The following ZSWIM5 variants were observed in gnomAD, a reference collection of about 807,000 sequenced individuals.
ZSWIM5 encodes the protein zinc finger SWIM domain-containing protein 5.
In ZSWIM5, 55 loss-of-function variants were observed where a neutral mutation model predicts 119.6. The ratio of observed to expected loss-of-function variants is 0.46; its 90% CI spans 0.37 to 0.58. The LOEUF (loss-of-function observed/expected upper bound fraction) is 0.58, where lower values mean the gene tolerates loss of function less well. Among genes scored for constraint, ZSWIM5 ranks in the 20% least tolerant of loss-of-function variants. ZSWIM5 has a pLI of 0.00. For synonymous variants in ZSWIM5, 537 were observed against 606.9 expected (o/e 0.88, Z 1.69); for missense variants, 1,193 against 1,512.8 (o/e 0.79, Z 3.51).
At chr1:45,191,746 C>T (rs554873767) in intron 1 of ZSWIM5, among the ~76,000 whole-genome samples, 3 of 152,288 alleles carry the variant, frequency 2.0e-5, no homozygotes, top group East Asian at 3.9e-4. Flanking sequence ...TCTCCAAACA[C>T]GGCACTTAGG....
intron 1 of ZSWIM5, among the ~76,000 whole-genome samples, chr1:45,167,299 T>A (rs1297916712): frequency 2.6e-5 from 4 of 151,674 alleles, no homozygotes. Context: ...GATCCCTTCC[T>A]TACACCTTAT....
chr1:45,166,132 C>T lies in ZSWIM5; in HGVS notation c.595+39624G>A, dbSNP rs558378101. On this transcript the variant is annotated intron_variant, in intron 1 of 13. Transcript: ENST00000359600. ...AGCTTATCCGCCATGATCAAGTGGGCTTCATCCCTGGGATGCAAAGCTGGT... is the reference window on the plus strand; with the variant it reads ...AGCTTATCCGCCATGATCAAGTGGGTTTCATCCCTGGGATGCAAAGCTGGT... 3.3e-5 allele frequency among the ~76,000 whole-genome samples: 5 copies of T among 152,250 alleles called. No homozygotes were observed. In the East Asian group the frequency reaches 9.6e-4, roughly 29 times the overall value.
intron 1 of ZSWIM5, among the ~76,000 whole-genome samples, chr1:45,150,861 C>T (rs1220282115): frequency 1.3e-5 from 2 of 152,182 alleles, no homozygotes; most frequent in Non-Finnish European, 2.9e-5. Flanking sequence ...AAGACCCAGA[C>T]CTTTATGTGA....
chr1:45,126,096 T>A (rs1185041466), intron 1 of ZSWIM5, among the ~76,000 whole-genome samples: 1 of 150,066 alleles, frequency 6.7e-6, no homozygotes. Context: ...TTAAAAAAAA[T>A]TTTAAAGGAA....
chr1:45,146,390 GAA>G (rs750819671), intron 1 of ZSWIM5, among the ~76,000 whole-genome samples: 2 of 42,544 alleles, frequency 4.7e-5, no homozygotes, highest in Non-Finnish European at 4.9e-5. Context: ...TAACTGATTT[GAA>G]AAAAAAAAAA....
chr1:45,200,890 AC>A (rs1400541560), intron 1 of ZSWIM5, among the ~76,000 whole-genome samples: 2 of 152,012 alleles, frequency 1.3e-5, no homozygotes, highest in East Asian at 3.9e-4. Context: ...GAATTATGTC[AC>A]CCCCCAAAAA....
intron 1 of ZSWIM5, among the ~76,000 whole-genome samples, chr1:45,137,598 T>A (rs971834029): frequency 9.2e-5 from 14 of 152,116 alleles, no homozygotes; most frequent in African/African-American, 3.1e-4. Context: ...GATTTGCCCA[T>A]GTGAATATCT....
At chr1:45,126,517 A>C (rs1645622941) in intron 1 of ZSWIM5, among the ~76,000 whole-genome samples, 1 of 152,154 alleles carries the variant, frequency 6.6e-6, no homozygotes, top group Non-Finnish European at 1.5e-5. Flanking sequence ...CAGCCCTAAC[A>C]CTATCAAGAA....
At chr1:45,033,557 G>C (rs1644965119) in intron 11 of ZSWIM5, among the ~76,000 whole-genome samples, 2 of 151,802 alleles carry the variant, frequency 1.3e-5, no homozygotes, top group Admixed American at 1.3e-4. Context: ...GAGCTTAAAG[G>C]CCTGAGAATC....
intron 1 of ZSWIM5, among the ~76,000 whole-genome samples, chr1:45,100,737 A>G (rs1365162050): frequency 3.3e-5 from 5 of 152,200 alleles, no homozygotes; most frequent in Non-Finnish European, 7.3e-5. Flanking sequence ...GGCCTCAGAA[A>G]TAACACCACA....
intron 1 of ZSWIM5, among the ~76,000 whole-genome samples, chr1:45,095,692 G>A (rs1041946345): frequency 4.6e-5 from 7 of 152,118 alleles, no homozygotes; most frequent in African/African-American, 1.7e-4. Flanking sequence ...ATGCTGTTGA[G>A]GAATGACCAG....
chr1:45,041,443 C>T (rs11579369), intron 6 of ZSWIM5, among the ~76,000 whole-genome samples: 1,868 of 151,208 alleles, frequency 0.012, 22 homozygotes, highest in Non-Finnish European at 0.02. Context: ...TATAGAATTG[C>T]GGAAAATTTG....
intron 1 of ZSWIM5, among the ~76,000 whole-genome samples, chr1:45,162,079 C>T (rs560768580): frequency 6.6e-6 from 1 of 152,150 alleles, no homozygotes; most frequent in Non-Finnish European, 1.5e-5. Flanking sequence ...CCAGTATGAT[C>T]CATATGAAAA....
intron 2 of ZSWIM5, among the ~76,000 whole-genome samples, chr1:45,066,262 C>T (rs1412966740): frequency 6.6e-6 from 1 of 152,030 alleles, no homozygotes; most frequent in Non-Finnish European, 1.5e-5. Context: ...ATTTTCATTT[C>T]TAAGACATTT....
At chr1:45,192,493 T>G (rs1436478904) in intron 1 of ZSWIM5, among the ~76,000 whole-genome samples, 1 of 152,196 alleles carries the variant, frequency 6.6e-6, no homozygotes, top group Non-Finnish European at 1.5e-5. Context: ...TTCCTGTAGA[T>G]AGAAAGACAG....
intron 1 of ZSWIM5, among the ~76,000 whole-genome samples, chr1:45,161,622 G>C (rs1645864220): frequency 6.6e-6 from 1 of 152,088 alleles, no homozygotes; most frequent in Non-Finnish European, 1.5e-5. Context: ...GATTGATTTT[G>C]AGTGGTAACT....
rs1225424193 is a variant in ZSWIM5, at chr1:45,205,981, C to T, written c.370G>A (p.Gly124Ser). The change falls in exon 1 of 14, where the codon GGC becomes AGC. Residue 124 changes from glycine (G) to serine (S), a missense_variant. Physicochemically the swap from Gly to Ser is moderately conservative, Grantham distance 56. Transcript: ENST00000359600. ...SFQYRGGPGAGAAGGAAGASP... is the reference protein window; with the variant it reads ...SFQYRGGPGASAAGGAAGASP... ...GCCCCCGCGGCGCCGCCAGCAGCGC[C>T]GGCGCCGGGGCCGCCCCGGTACTGG... The T allele has an allele frequency of 5.6e-6, 8 of 1,430,384 alleles. No homozygotes were observed. The highest frequency in any genetic ancestry group is 1.5e-5 in the African/African-American group (1 of 67,740). The allele number at this position is 1,430,384 out of a possible 1,614,324, so 88.6% of individuals were successfully genotyped here. A position where few individuals can be genotyped will look rare whatever the true frequency, so the allele number is the denominator to read the frequency against.
intron 1 of ZSWIM5, among the ~76,000 whole-genome samples, chr1:45,155,482 A>G (rs1645821531): frequency 6.7e-6 from 1 of 148,928 alleles, no homozygotes; most frequent in African/African-American, 2.6e-5. Flanking sequence ...GACTCCTTAA[A>G]GAACAAAAGT....
chr1:45,176,133 CAT>C (rs200918456), intron 1 of ZSWIM5, among the ~76,000 whole-genome samples: 5 of 148,050 alleles, frequency 3.4e-5, no homozygotes, highest in East Asian at 3.9e-4. Flanking sequence ...AACTGAATGC[CAT>C]ATATATATAT....
Sources: allele counts gnomAD v4.1 joint callset (sites outside exome capture counted in the v4.1 genomes callset), GRCh38; gene constraint gnomAD v4.1.1; transcripts MANE v1.5; gene names NCBI Gene and HGNC (gene_info 2026-07-23, HGNC 2026-07-21).